CCNJL: variants seen among roughly 807,000 people sequenced by gnomAD.
The protein encoded by CCNJL is cyclin-J-like protein.
Under a neutral mutation model 33.4 loss-of-function variants are expected in CCNJL, and 33 were observed. The observed-to-expected ratio is 0.99, with a 90% CI of 0.75 to 1.32. The LOEUF is 1.32. Among genes scored for constraint, CCNJL ranks in the 40% most tolerant of loss-of-function variants. The probability of loss-of-function intolerance (pLI) is 0.00; values close to 1 mark genes in which losing one functional copy is unlikely to be tolerated. For missense variants in CCNJL, 512 were observed against 499.7 expected (o/e 1.02, Z -0.23); for synonymous variants, 227 against 220.9 (o/e 1.03, Z -0.24).
chr5:160,305,017 TGTTGGCCAGG>T (rs1243493724), intron 2 of CCNJL, among the ~76,000 whole-genome samples: 53 of 152,108 alleles, frequency 3.5e-4, no homozygotes, highest in Non-Finnish European at 6.9e-4. Flanking sequence ...GGCTTCACCT[TGTTGGCCAGG>T]ATGGTCTCGA....
At chr5:160,285,109 G>A (rs904906839) in intron 2 of CCNJL, among the ~76,000 whole-genome samples, 2 of 152,080 alleles carry the variant, frequency 1.3e-5, no homozygotes, top group African/African-American at 4.8e-5. Context: ...AGAATCACTT[G>A]AACCTGGTAG....
intron 3 of CCNJL, among the ~76,000 whole-genome samples, chr5:160,276,640 T>C (rs1762022852): frequency 6.6e-6 from 1 of 152,194 alleles, no homozygotes. Flanking sequence ...GGCAAGTGAC[T>C]GCTTAATGGG....
At chr5:160,323,946 G>T (rs954581673) in intron 1 of CCNJL, among the ~76,000 whole-genome samples, 1 of 152,176 alleles carries the variant, frequency 6.6e-6, no homozygotes, top group African/African-American at 2.4e-5. Context: ...CCTGCATTCC[G>T]ACGGGGACTA....
chr5:160,339,196 G>C (rs1329141589), intron 1 of CCNJL, among the ~76,000 whole-genome samples: 1 of 151,890 alleles, frequency 6.6e-6, no homozygotes, highest in African/African-American at 2.4e-5. Context: ...AGATGGCTTT[G>C]AAGATAGAGC....
At chr5:160,337,002 TC>T (rs143042240) in intron 1 of CCNJL, among the ~76,000 whole-genome samples, 2 of 115,770 alleles carry the variant, frequency 1.7e-5, no homozygotes, top group Non-Finnish European at 1.7e-5. Context: ...TCTTTTTCTT[TC>T]TTTTTTTTTT....
rs1004785680 is a variant in CCNJL at position 160,251,850 on chromosome 5, A to G, written c.*1528T>C. The G allele has an allele frequency of 2.0e-5, 3 of 152,316 alleles. No homozygotes were observed. Among genetic ancestry groups the G allele is most frequent in the Admixed American group, 1.3e-4 (2 of 15,304 alleles). 9.4% of individuals were successfully genotyped at this position (152,316 alleles called of 1,614,324 possible). A position where few individuals can be genotyped will look rare whatever the true frequency, so the allele number is the denominator to read the frequency against. ...ACAACAAATGAACGTGCAGCCTCCT[A>G]TGCTAGTGTGACACGGTGGCAGAGT... On this transcript the variant is annotated 3_prime_UTR_variant, in exon 6 of 6. Transcript: ENST00000257536.
At chr5:160,339,076 C>T (rs1478471063) in intron 1 of CCNJL, among the ~76,000 whole-genome samples, 3 of 151,966 alleles carry the variant, frequency 2.0e-5, no homozygotes, top group East Asian at 1.9e-4. Context: ...CATGAGCCAC[C>T]GCACCCAGGC....
chr5:160,335,519 A>T (rs904963945), intron 1 of CCNJL, among the ~76,000 whole-genome samples: 1 of 152,122 alleles, frequency 6.6e-6, no homozygotes, highest in Non-Finnish European at 1.5e-5. Context: ...TGCTAAAGCC[A>T]ATGGTCAACA....
In CCNJL at chr5:160,307,217, C is replaced by T. The variant is rs1419797853; in HGVS notation, c.66+4641G>A. On this transcript the variant is annotated intron_variant, in intron 2 of 5. Transcript: ENST00000257536. ...GTGAGGTGGGGGACACCCTGAGGTC[C>T]CTCTCTGACTCAGACACTGGTCTGG... is the stretch of plus-strand genomic sequence containing the variant. Among the ~76,000 whole-genome samples the T allele has an allele frequency of 2.0e-5, 3 of 152,172 alleles. No homozygotes were observed. The East Asian group carries it at 5.8e-4, about 29-fold the overall frequency.
rs1360507232 is a variant in CCNJL, at chr5:160,249,952, G to A, written c.*3426C>T. 1 of 152,104 alleles carries A rather than the reference G, an allele frequency of 6.6e-6. No individual in the cohort carries two copies. The highest frequency in any genetic ancestry group is 1.5e-5 in the Non-Finnish European group (1 of 68,020). 9.4% of individuals were successfully genotyped at this position (152,104 alleles called of 1,614,324 possible). A position where few individuals can be genotyped will look rare whatever the true frequency, so the allele number is the denominator to read the frequency against. ...CAGGTCCCCACCCCTCCTAGAGAAG[G>A]CTCCAGGTCATTCTGCAGCTTGCTC... On this transcript the variant is annotated 3_prime_UTR_variant, in exon 6 of 6. Transcript: ENST00000257536.
intron 4 of CCNJL, chr5:160,258,596 G>T: frequency 7.2e-7 from 1 of 1,394,062 alleles, no homozygotes; most frequent in South Asian, 1.2e-5. Flanking sequence ...TAATCATGTA[G>T]TTGAAGTCTG....
At chr5:160,320,763 TTTTC>T (rs1220914300) in intron 1 of CCNJL, among the ~76,000 whole-genome samples, 3 of 151,300 alleles carry the variant, frequency 2.0e-5, no homozygotes, top group East Asian at 1.9e-4. Flanking sequence ...TGCCTCTTTC[TTTTC>T]TTTCTTTCTT....
chr5:160,276,629 C>T (rs1029634586), intron 3 of CCNJL, among the ~76,000 whole-genome samples: 5 of 152,022 alleles, frequency 3.3e-5, no homozygotes, highest in Admixed American at 2.6e-4. Context: ...TAGGAAGAAA[C>T]GGCAAGTGAC....
At chr5:160,261,970 T>A (rs1761356006) in intron 3 of CCNJL, among the ~76,000 whole-genome samples, 1 of 152,248 alleles carries the variant, frequency 6.6e-6, no homozygotes, top group African/African-American at 2.4e-5. Context: ...ACAGATATTT[T>A]AGGCCATTTG....
chr5:160,318,639 C>T (rs1249983579), intron 1 of CCNJL, among the ~76,000 whole-genome samples: 1 of 152,228 alleles, frequency 6.6e-6, no homozygotes, highest in African/African-American at 2.4e-5. Context: ...AGTTCCTCTT[C>T]CTTCAGCTCT....
chr5:160,320,825 CTTTCTT>C (rs1441794180), intron 1 of CCNJL, among the ~76,000 whole-genome samples: 1 of 116,524 alleles, frequency 8.6e-6, no homozygotes, highest in African/African-American at 3.2e-5. Flanking sequence ...TTCTTTCTTT[CTTTCTT>C]TCTTTCTTTC....
chr5:160,324,069 T>C (rs867360880), intron 1 of CCNJL, among the ~76,000 whole-genome samples: 1 of 152,222 alleles, frequency 6.6e-6, no homozygotes, highest in Non-Finnish European at 1.5e-5. Context: ...TCAGCCTCCA[T>C]GAACATATTA....
At chr5:160,298,768 G>T (rs998979813) in intron 2 of CCNJL, among the ~76,000 whole-genome samples, 1 of 152,120 alleles carries the variant, frequency 6.6e-6, no homozygotes, top group Admixed American at 6.5e-5. Flanking sequence ...CACAACATTA[G>T]CGAAGTGTAT....
At chr5:160,255,263 A>C (rs892568437) in intron 5 of CCNJL, 25 of 198,368 alleles carry the variant, frequency 1.3e-4, no homozygotes, top group Non-Finnish European at 2.0e-4. Context: ...CAGTGAGCCG[A>C]GATCGTGCCA....
Sources: gnomAD v4.1 joint callset for allele counts (sites outside exome capture counted in the v4.1 genomes callset) on GRCh38, gnomAD v4.1.1 for gene constraint, MANE v1.5 for transcripts, NCBI Gene and HGNC (gene_info 2026-07-23, HGNC 2026-07-21) for gene names.